Variants in CATSPERT observed in about 807,000 individuals in gnomAD.
CATSPERT encodes the protein cation channel sperm-associated targeting subunit tau.
chr2:201,574,648 C>T, the CATSPERT span, among the ~76,000 whole-genome samples: 5 of 152,108 alleles, frequency 3.3e-5, no homozygotes, highest in Admixed American at 6.6e-5. Flanking sequence ...ACACTCCTCT[C>T]ACCTCCAGTC....
the CATSPERT span, chr2:201,565,861 G>A: frequency 0.048 from 76,009 of 1,577,674 alleles, 1,978 homozygotes; most frequent in African/African-American, 0.08. Context: ...TGTCTGTGGT[G>A]TAATAACTTT....
At chr2:201,521,202 A>G in the CATSPERT span, among the ~76,000 whole-genome samples, 1 of 152,208 alleles carries the variant, frequency 6.6e-6, no homozygotes, top group Non-Finnish European at 1.5e-5. Flanking sequence ...TTCTCAAACT[A>G]TTCCAAAAAA....
At chr2:201,507,363 C>T in the CATSPERT span, among the ~76,000 whole-genome samples, 26 of 152,248 alleles carry the variant, frequency 1.7e-4, no homozygotes, top group African/African-American at 6.0e-4. Flanking sequence ...ATAGAGGTTA[C>T]TGAATTTTCC....
chr2:201,496,238 A>T, the CATSPERT span, among the ~76,000 whole-genome samples: 1 of 152,220 alleles, frequency 6.6e-6, no homozygotes, highest in Non-Finnish European at 1.5e-5. Flanking sequence ...AAGTAAAAAT[A>T]AAATAGAATT....
the CATSPERT span, chr2:201,511,682 A>T: frequency 1.3e-5 from 2 of 151,888 alleles, no homozygotes; most frequent in African/African-American, 4.8e-5. Context: ...GGCTTAATTT[A>T]TGAACGGGCT....
At chr2:201,590,967 G>A in the CATSPERT span, among the ~76,000 whole-genome samples, 1 of 152,236 alleles carries the variant, frequency 6.6e-6, no homozygotes, top group South Asian at 2.1e-4. Flanking sequence ...CTTTTGCTGT[G>A]CAAGAAGCTC....
the CATSPERT span, chr2:201,574,417 C>A: frequency 1.8e-6 from 1 of 569,558 alleles, no homozygotes; most frequent in African/African-American, 1.9e-5. Flanking sequence ...AAAGCGTTTA[C>A]ACAAGGAACT....
At chr2:201,591,885 G>A in the CATSPERT span, among the ~76,000 whole-genome samples, 6 of 151,798 alleles carry the variant, frequency 4.0e-5, no homozygotes, top group East Asian at 1.2e-3. Flanking sequence ...GAGATTTTGG[G>A]CTGAGACAAT....
the CATSPERT span, among the ~76,000 whole-genome samples, chr2:201,580,446 T>C: frequency 1.3e-5 from 2 of 152,244 alleles, no homozygotes; most frequent in Admixed American, 6.5e-5. Context: ...AAAACAATAA[T>C]TTGTAATTCT....
chr2:201,502,016 T>C, the CATSPERT span, among the ~76,000 whole-genome samples: 4 of 152,184 alleles, frequency 2.6e-5, no homozygotes, highest in African/African-American at 4.8e-5. Context: ...ATCCTTCAGG[T>C]ATCCTCCAGC....
the CATSPERT span, among the ~76,000 whole-genome samples, chr2:201,580,237 A>C: frequency 2.6e-5 from 4 of 152,228 alleles, no homozygotes; most frequent in African/African-American, 9.6e-5. Flanking sequence ...TAAGTTATCC[A>C]CAATTCATTA....
the CATSPERT span, among the ~76,000 whole-genome samples, chr2:201,587,104 T>C: frequency 3.9e-4 from 60 of 152,308 alleles, no homozygotes; most frequent in African/African-American, 1.3e-3. Context: ...TAAACCACCA[T>C]GTCCAATAGC....
At chr2:201,493,369 C>T in the CATSPERT span, 5 of 1,536,878 alleles carry the variant, frequency 3.3e-6, no homozygotes, top group Non-Finnish European at 4.4e-6. Context: ...GATGGGTATA[C>T]TCTGCTCAGA....
the CATSPERT span, among the ~76,000 whole-genome samples, chr2:201,614,638 GA>G: frequency 2.0e-5 from 3 of 152,268 alleles, no homozygotes; most frequent in African/African-American, 7.2e-5. Context: ...ATGCTAGGAA[GA>G]AACTACATCA....
the CATSPERT span, among the ~76,000 whole-genome samples, chr2:201,598,825 C>T: frequency 6.6e-6 from 1 of 152,128 alleles, no homozygotes; most frequent in Non-Finnish European, 1.5e-5. Context: ...AAGTGATCTG[C>T]TCTCCTCGGC....
chr2:201,504,988 T>G, the CATSPERT span, among the ~76,000 whole-genome samples: 1 of 152,246 alleles, frequency 6.6e-6, no homozygotes, highest in African/African-American at 2.4e-5. Flanking sequence ...GAAGGCACAC[T>G]GTAAACACCC....
the CATSPERT span, among the ~76,000 whole-genome samples, chr2:201,538,778 A>G: frequency 1.3e-5 from 2 of 152,016 alleles, no homozygotes; most frequent in Non-Finnish European, 2.9e-5. Flanking sequence ...TATTAAGCCT[A>G]TTATCCATTA....
At chr2:201,537,610 C>T in the CATSPERT span, 2 of 661,766 alleles carry the variant, frequency 3.0e-6, no homozygotes, top group Non-Finnish European at 4.9e-6. Flanking sequence ...AAGCAGCTAT[C>T]CAAACATAAA....
At chr2:201,518,630 A>G in the CATSPERT span, among the ~76,000 whole-genome samples, 1 of 152,212 alleles carries the variant, frequency 6.6e-6, no homozygotes, top group Non-Finnish European at 1.5e-5. Context: ...CAGAGTACCA[A>G]GAGTCAGCTG....
Sources: gnomAD v4.1 joint callset for allele counts (sites outside exome capture counted in the v4.1 genomes callset) on GRCh38, gnomAD v4.1.1 for gene constraint, MANE v1.5 for transcripts, NCBI Gene and HGNC (gene_info 2026-07-23, HGNC 2026-07-21) for gene names.